The following PPHLN1 variants were observed in gnomAD, a reference collection of about 807,000 sequenced individuals.
PPHLN1 encodes periphilin 1, also known as periphilin-1.
PPHLN1 carries 29 observed loss-of-function variants against 51.3 expected under a neutral mutation model. The observed-to-expected ratio is 0.57, with a 90% CI of 0.42 to 0.77. The LOEUF (loss-of-function observed/expected upper bound fraction) is 0.77, where lower values mean the gene tolerates loss of function less well. PPHLN1 is among the 30% of genes least tolerant of loss of function. The pLI is 0.00. For missense variants in PPHLN1, 436 were observed against 438.4 expected (o/e 0.99, Z 0.05); for synonymous variants, 147 against 147.8 (o/e 0.99, Z 0.04).
chr12:42,399,455 G>A (rs1021094959), intron 9 of PPHLN1: 2 of 923,334 alleles, frequency 2.2e-6, no homozygotes, highest in African/African-American at 3.6e-5. Context: ...CTGAAAAGCA[G>A]GACTTTGTTT....
chr12:42,431,282 C>T (rs531195947), intron 9 of PPHLN1, among the ~76,000 whole-genome samples: 10 of 152,278 alleles, frequency 6.6e-5, no homozygotes, highest in South Asian at 4.1e-4. Flanking sequence ...TAGTTTTCCT[C>T]AGATGAAGAA....
chr12:42,400,798 T>TCACACACACACACACA (rs67724902), intron 9 of PPHLN1, among the ~76,000 whole-genome samples: 4 of 142,522 alleles, frequency 2.8e-5, no homozygotes, highest in African/African-American at 5.3e-5. Flanking sequence ...TCTCTCTCTT[T>TCACACACACACACACA]CACACACACA....
chr12:42,394,919 G>A (rs7975971), intron 8 of PPHLN1, among the ~76,000 whole-genome samples: 29,725 of 151,792 alleles, frequency 0.2, 3,231 homozygotes, highest in African/African-American at 0.29. Flanking sequence ...TTTGTTTTAT[G>A]GAACCAAAAA....
chr12:42,425,667 G>C (rs138440267), intron 9 of PPHLN1, among the ~76,000 whole-genome samples: 1 of 152,168 alleles, frequency 6.6e-6, no homozygotes, highest in African/African-American at 2.4e-5. Context: ...GATTACAGGC[G>C]TGAGCCACTG....
At chr12:42,358,634 G>A (rs1228900218) in intron 4 of PPHLN1, among the ~76,000 whole-genome samples, 1 of 152,142 alleles carries the variant, frequency 6.6e-6, no homozygotes, top group African/African-American at 2.4e-5. Context: ...TTGAACTCCT[G>A]GGCTCAAGCG....
intron 2 of PPHLN1, among the ~76,000 whole-genome samples, chr12:42,350,618 G>C (rs1241896330): frequency 6.6e-6 from 1 of 152,160 alleles, no homozygotes; most frequent in Non-Finnish European, 1.5e-5. Context: ...GCAGGCGGCT[G>C]GGAGGTGGAG....
intron 2 of PPHLN1, among the ~76,000 whole-genome samples, chr12:42,343,466 T>G (rs1267728433): frequency 6.6e-6 from 1 of 152,248 alleles, no homozygotes; most frequent in African/African-American, 2.4e-5. Flanking sequence ...TGCTTTATCA[T>G]GTATTTATTC....
downstream of PPHLN1, chr12:42,442,601 C>A: frequency 6.2e-7 from 1 of 1,612,492 alleles, no homozygotes; most frequent in Non-Finnish European, 8.5e-7. Context: ...ACACAAAATA[C>A]CTGCGTCTGA....
chr12:42,341,919 G>C (rs10736001), intron 2 of PPHLN1, among the ~76,000 whole-genome samples: 146,768 of 152,266 alleles, frequency 0.96, 70,988 homozygotes, highest in Middle Eastern at 1. Context: ...TCGCGCCCAG[G>C]CGCTTTTAAA....
At chr12:42,390,866 A>T (rs1382058938) in intron 7 of PPHLN1, among the ~76,000 whole-genome samples, 2 of 123,744 alleles carry the variant, frequency 1.6e-5, no homozygotes, top group African/African-American at 3.2e-5. Flanking sequence ...GGGTCTTGCT[A>T]TGTTGCCCAG....
intron 9 of PPHLN1, among the ~76,000 whole-genome samples, chr12:42,440,045 A>G (rs2139990649): frequency 6.6e-6 from 1 of 151,146 alleles, no homozygotes; most frequent in East Asian, 1.9e-4. Flanking sequence ...CTTCCTGTCA[A>G]TTCTTGGGCT....
downstream of PPHLN1, chr12:42,444,110 G>A (rs1474904854): frequency 6.6e-6 from 1 of 152,050 alleles, no homozygotes; most frequent in Non-Finnish European, 1.5e-5. Context: ...CTGTCATAAG[G>A]AATACACAGT....
chr12:42,353,812 T>C (rs748428325), intron 3 of PPHLN1, among the ~76,000 whole-genome samples: 6 of 152,192 alleles, frequency 3.9e-5, no homozygotes, highest in Non-Finnish European at 5.9e-5. Flanking sequence ...TGAAACCTCA[T>C]GAAAATGATT....
chr12:42,344,707 GA>G (rs1456957782), intron 2 of PPHLN1, among the ~76,000 whole-genome samples: 5 of 124,040 alleles, frequency 4.0e-5, no homozygotes, highest in African/African-American at 1.4e-4. Flanking sequence ...CAACAGTGTG[GA>G]TTTTTTTTTT....
chr12:42,421,350 A>G (rs1346091706), intron 9 of PPHLN1, among the ~76,000 whole-genome samples: 1 of 150,256 alleles, frequency 6.7e-6, no homozygotes, highest in Non-Finnish European at 1.5e-5. Flanking sequence ...TTATTGATTG[A>G]TTGATTGATT....
At chr12:42,441,212 C>G in intron 9 of PPHLN1, 103 bp from the exon 10 acceptor site, 1 of 1,397,482 alleles carries the variant, frequency 7.2e-7, no homozygotes, top group Non-Finnish European at 9.5e-7. Flanking sequence ...TTTTTTGTGT[C>G]TCTCTTTTAG....
At chr12:42,432,172 A>G (rs995060967) in intron 9 of PPHLN1, 4 of 868,120 alleles carry the variant, frequency 4.6e-6, no homozygotes, top group South Asian at 1.3e-5. Context: ...TCAATGACCA[A>G]TCACTCAGCT....
intron 1 of PPHLN1, among the ~76,000 whole-genome samples, chr12:42,334,516 T>C (rs1381162200): frequency 6.6e-6 from 1 of 152,216 alleles, no homozygotes; most frequent in African/African-American, 2.4e-5. Flanking sequence ...AACTGAACCA[T>C]TAGAATTCTA....
intron 9 of PPHLN1, among the ~76,000 whole-genome samples, chr12:42,409,816 G>A (rs2079641307): frequency 6.6e-6 from 1 of 151,940 alleles, no homozygotes. Flanking sequence ...TATCTATTAT[G>A]TGTCTGTTTT....
Sources: gnomAD v4.1 joint callset for allele counts (sites outside exome capture counted in the v4.1 genomes callset) on GRCh38, gnomAD v4.1.1 for gene constraint, MANE v1.5 for transcripts, NCBI Gene and HGNC (gene_info 2026-07-23, HGNC 2026-07-21) for gene names.